KLF5: variants seen among roughly 807,000 people sequenced by gnomAD.
KLF5 encodes KLF transcription factor 5.
KLF5 carries 9 observed loss-of-function variants against 36.9 expected under a neutral mutation model. That is an observed-to-expected ratio of 0.24 (90% CI 0.15 to 0.43). KLF5 has a LOEUF of 0.43. KLF5 is among the 20% of genes least tolerant of loss of function. KLF5 has a pLI of 1.00. For missense variants in KLF5, 524 were observed against 599.5 expected, an observed-to-expected ratio of 0.87 and a Z score of 1.31; for synonymous variants, 246 against 241.7, an observed-to-expected ratio of 1.02 and a Z score of -0.17.
intron 3 of KLF5, among the ~76,000 whole-genome samples, chr13:73,065,074 T>C (rs1479087963): frequency 6.6e-6 from 1 of 152,248 alleles, no homozygotes; most frequent in African/African-American, 2.4e-5. Context: ...AGAATAAGTT[T>C]GCTAATAAAA....
At chr13:73,070,314 T>C (rs2044713491) in intron 3 of KLF5, among the ~76,000 whole-genome samples, 1 of 152,162 alleles carries the variant, frequency 6.6e-6, no homozygotes, top group Non-Finnish European at 1.5e-5. Flanking sequence ...ACTCATTCCA[T>C]ACTGGGAAAA....
chr13:73,070,003 C>G (rs2044711151), intron 3 of KLF5, among the ~76,000 whole-genome samples: 1 of 152,184 alleles, frequency 6.6e-6, no homozygotes, highest in Non-Finnish European at 1.5e-5. Flanking sequence ...TGATGGCCTA[C>G]ATCGTTTCTA....
In KLF5 at chr13:73,059,349, A is replaced by T; in HGVS notation, c.22A>T (p.Met8Leu). Residue 8 changes from methionine (M) to leucine (L), a missense_variant, in exon 1 of 4, where the codon ATG becomes TTG. Met to Leu is a conservative substitution (Grantham distance 15, BLOSUM62 2). Around this residue, in one of 4 missense-constraint regions of KLF5, gnomAD observed 454 missense variants for 458.1 expected, o/e 0.99. Transcript: ENST00000377687. Reference protein sequence around the residue: MATRVLSMSARLGPVPQP... With the variant: MATRVLSLSARLGPVPQP... Reference sequence around the variant, plus strand: ...GCCCATGGCTACAAGGGTGCTGAGCATGAGCGCCCGCCTGGGACCCGTGCC... The same window carrying T: ...GCCCATGGCTACAAGGGTGCTGAGCTTGAGCGCCCGCCTGGGACCCGTGCC... 1 of 1,420,504 alleles carries T rather than the reference A, an allele frequency of 7.0e-7. No homozygotes were observed. Among genetic ancestry groups the T allele is most frequent in the Non-Finnish European group, 9.2e-7 (1 of 1,088,634 alleles). 88.0% of individuals were successfully genotyped at this position (1,420,504 alleles called of 1,614,324 possible).
At chr13:73,063,983 C>CT (rs67730943) in intron 3 of KLF5, 100 bp downstream of exon 3, 128,714 of 345,110 alleles carry the variant, frequency 0.37, 16,673 homozygotes, top group Non-Finnish European at 0.42. Flanking sequence ...CTCCTGTCAA[C>CT]TTTGTTTTTT....
intron 3 of KLF5, among the ~76,000 whole-genome samples, chr13:73,066,146 A>C (rs933171208): frequency 1.3e-5 from 2 of 152,172 alleles, no homozygotes; most frequent in South Asian, 2.1e-4. Flanking sequence ...GGTTTGTAGC[A>C]GACTTGTTCA....
intron 1 of KLF5, chr13:73,060,554 C>A (rs142222650): frequency 2.0e-5 from 3 of 152,356 alleles, no homozygotes; most frequent in African/African-American, 7.2e-5. Flanking sequence ...CAGGGTCTTG[C>A]TGTGAGAGGG....
upstream of KLF5, chr13:73,054,980 T>G (rs2044575349): frequency 6.6e-6 from 1 of 152,222 alleles, no homozygotes; most frequent in African/African-American, 2.4e-5. Flanking sequence ...GTAACCACTT[T>G]AGCTCAGACC....
chr13:73,075,988 C>G lies in KLF5; in HGVS notation c.*102C>G. ...ACAAAAACAAACAAAAGCAAGAAAACCACAACTAAAACTGGAAATGTATAT... is the reference window on the plus strand; with the variant it reads ...ACAAAAACAAACAAAAGCAAGAAAAGCACAACTAAAACTGGAAATGTATAT... On this transcript the variant is annotated 3_prime_UTR_variant, in exon 4 of 4. Coordinates refer to ENST00000377687, the MANE Select transcript of KLF5 (RefSeq NM_001730.5). 4.2e-6 allele frequency: 4 copies of G among 959,014 alleles called. No homozygotes were observed. The highest frequency in any genetic ancestry group is 5.8e-6 in the Non-Finnish European group (4 of 686,522). 59.4% of individuals were successfully genotyped at this position (959,014 alleles called of 1,614,324 possible). A position where few individuals can be genotyped will look rare whatever the true frequency, so the allele number is the denominator to read the frequency against.
rs1371464966 is a variant in KLF5, at chr13:73,077,353, CACCT to C, written c.*1470_*1473del. ...TTCAAAATGTTTATACGTGGAAACA[CACCT>C]ACATGAAAAGCAGAAATCGGTTGCT... On this transcript the variant is annotated 3_prime_UTR_variant, in exon 4 of 4. Coordinates refer to ENST00000377687, the MANE Select transcript of KLF5 (RefSeq NM_001730.5). 2 of 152,580 alleles carry C rather than the reference CACCT, an allele frequency of 1.3e-5. No homozygotes were observed. Among genetic ancestry groups the C allele is most frequent in the African/African-American group, 4.8e-5 (2 of 41,430 alleles). 9.5% of individuals were successfully genotyped at this position (152,580 alleles called of 1,614,324 possible).
At chr13:73,056,561 T>C (rs115252660), upstream of KLF5, among the ~76,000 whole-genome samples, 2,744 of 152,352 alleles carry the variant, frequency 0.018, 98 homozygotes, top group African/African-American at 0.061. Flanking sequence ...GGTTTGCAGC[T>C]GTAGCATTTA....
At chr13:73,069,936 G>A (rs1197507977) in intron 3 of KLF5, among the ~76,000 whole-genome samples, 1 of 152,140 alleles carries the variant, frequency 6.6e-6, no homozygotes, top group Admixed American at 6.5e-5. Flanking sequence ...TAATAATACA[G>A]TCACCCAAGA....
chr13:73,063,722 T>A (rs2044657937), intron 2 of KLF5, 102 bp from the exon 3 acceptor site: 1 of 805,006 alleles, frequency 1.2e-6, no homozygotes, highest in Non-Finnish European at 2.1e-6. Context: ...TCATCTAGCA[T>A]GAGAGATTTC....
At chr13:73,074,892 A>G (rs2044748599) in intron 3 of KLF5, 1 of 152,216 alleles carries the variant, frequency 6.6e-6, no homozygotes, top group South Asian at 2.1e-4. Context: ...CTGGCCTATA[A>G]TAGATGCTTG....
rs779594365 is a variant in KLF5 at position 73,075,935 on chromosome 13, C to T, written c.*49C>T. The T allele has an allele frequency of 6.3e-6, 9 of 1,422,484 alleles. No homozygotes were observed. The South Asian group carries it at 1.4e-4, about 22-fold the overall frequency. The allele number at this position is 1,422,484 out of a possible 1,614,324, so 88.1% of individuals were successfully genotyped here. ...AGGTCCCCTGGGCTCCCTCAAATGA[C>T]AGACCTAACTATTCCTGTGTAAAAA... On this transcript the variant is annotated 3_prime_UTR_variant, in exon 4 of 4. Coordinates refer to ENST00000377687, the MANE Select transcript of KLF5 (RefSeq NM_001730.5).
At position 73,076,846 on chromosome 13, in the gene KLF5, A is replaced by C. The variant is rs1274179142; in HGVS notation, c.*960A>C. ...TGCAGTTTCAAGTACCAAAACGTTG[A>C]ATTGATGATGCAGTTTTCATATATC... On this transcript the variant is annotated 3_prime_UTR_variant, in exon 4 of 4. Coordinates refer to ENST00000377687, the MANE Select transcript of KLF5 (RefSeq NM_001730.5). 1 of 152,210 alleles carries C rather than the reference A, an allele frequency of 6.6e-6. No homozygotes were observed. Among genetic ancestry groups the C allele is most frequent in the Non-Finnish European group, 1.5e-5 (1 of 68,036 alleles). 9.4% of individuals were successfully genotyped at this position (152,210 alleles called of 1,614,324 possible). A position where few individuals can be genotyped will look rare whatever the true frequency, so the allele number is the denominator to read the frequency against.
chr13:73,055,424 AT>A (rs903997608), upstream of KLF5, among the ~76,000 whole-genome samples: 10 of 152,292 alleles, frequency 6.6e-5, no homozygotes, highest in Non-Finnish European at 1.3e-4. Flanking sequence ...TAAACTGCAT[AT>A]TTTTTCATCA....
upstream of KLF5, among the ~76,000 whole-genome samples, chr13:73,056,030 C>A (rs1413139159): frequency 6.6e-6 from 1 of 151,392 alleles, no homozygotes; most frequent in African/African-American, 2.4e-5. Flanking sequence ...CTTCATATTT[C>A]CCTCATCTCA....
chr13:73,060,151 T>C (rs1310271293), intron 1 of KLF5, among the ~76,000 whole-genome samples: 11 of 123,090 alleles, frequency 8.9e-5, no homozygotes, highest in Non-Finnish European at 2.0e-4. Context: ...AGCGCTTATT[T>C]TTCCTTAAAA....
Position 73,059,414 on chromosome 13 carries a change from G to A in KLF5, c.87G>A (p.Gln29=), listed in dbSNP as rs1330114287. The A allele has an allele frequency of 1.6e-5, 22 of 1,366,916 alleles. No individual in the cohort carries two copies. Among genetic ancestry groups the A allele is most frequent in the Non-Finnish European group, 2.1e-5 (22 of 1,060,620 alleles). The allele number at this position is 1,366,916 out of a possible 1,614,324, so 84.7% of individuals were successfully genotyped here. A position where few individuals can be genotyped will look rare whatever the true frequency, so the allele number is the denominator to read the frequency against. Residue 29 remains glutamine, a synonymous_variant, in exon 1 of 4, where the codon CAG becomes CAA. Transcript: ENST00000377687. ...PAPQDEPVFA[Q]LKPVLGAANP... ...CGCAGGACGAGCCGGTGTTCGCGCA[G>A]CTCAAGCCGGTGCTGGGCGCCGCGA... is the stretch of plus-strand genomic sequence containing the variant.
Sources: gnomAD v4.1 joint callset for allele counts (sites outside exome capture counted in the v4.1 genomes callset) on GRCh38, gnomAD v4.1.1 for gene constraint, gnomAD v4.1.1 regional missense constraint, MANE v1.5 for transcripts, NCBI Gene and HGNC (gene_info 2026-07-23, HGNC 2026-07-21) for gene names.